Variants in MGAM2 observed in about 807,000 individuals in gnomAD.
MGAM2 encodes the protein maltase-glucoamylase 2 (putative), also known as probable maltase-glucoamylase 2.
In MGAM2, 98 loss-of-function variants were observed where a neutral mutation model predicts 96.1. The observed-to-expected ratio is 1.02, with a 90% confidence interval of 0.87 to 1.21. The LOEUF is 1.21. Among genes scored for constraint, MGAM2 ranks in the 50% most tolerant of loss-of-function variants. The pLI, the probability that MGAM2 is intolerant of heterozygous loss-of-function variation, is 0.00. For missense variants in MGAM2, 2,055 were observed against 1,182.4 expected (o/e 1.74, Z -10.82); for synonymous variants, 749 against 414.8 (o/e 1.81, Z -9.79).
intron 40 of MGAM2, among the ~76,000 whole-genome samples, 192 bp from the exon 41 acceptor site, chr7:142,197,208 A>T (rs1797071302): frequency 1.3e-5 from 2 of 152,190 alleles, no homozygotes; most frequent in African/African-American, 4.8e-5. Context: ...CTTAGGAATC[A>T]GTGATAAAGA....
chr7:142,217,787 G>C (rs1797810733), intron 46 of MGAM2, among the ~76,000 whole-genome samples: 1 of 152,108 alleles, frequency 6.6e-6, no homozygotes. Flanking sequence ...TTTCCAACAC[G>C]AAGAAATGAT....
intron 32 of MGAM2, 101 bp downstream of exon 32, chr7:142,175,881 C>A: frequency 1.7e-6 from 1 of 582,342 alleles, no homozygotes; most frequent in Non-Finnish European, 3.1e-6. Flanking sequence ...CAGAAATGTT[C>A]CTGTACTCTG....
intron 32 of MGAM2, among the ~76,000 whole-genome samples, chr7:142,178,713 T>C (rs1320311517): frequency 6.6e-6 from 1 of 152,034 alleles, no homozygotes; most frequent in Non-Finnish European, 1.5e-5. Context: ...ATATCTGTAG[T>C]TTTGTTCTTC....
chr7:142,150,152 G>C (rs1354694230), intron 15 of MGAM2, among the ~76,000 whole-genome samples: 1 of 151,594 alleles, frequency 6.6e-6, no homozygotes, highest in East Asian at 2.0e-4. Flanking sequence ...TGTTGGTCAG[G>C]CTAGTCTCAA....
At chr7:142,153,722 C>T (rs1357807443) in intron 15 of MGAM2, among the ~76,000 whole-genome samples, 1 of 152,112 alleles carries the variant, frequency 6.6e-6, no homozygotes, top group African/African-American at 2.4e-5. Context: ...ACCAAAAGGA[C>T]CAGACCACAA....
Position 142,140,886 on chromosome 7 carries a change from T to C in MGAM2, c.1171T>C (p.Phe391Leu). The change falls in exon 11 of 48, where the codon TTT becomes CTT. Residue 391 changes from phenylalanine (F) to leucine (L), a missense_variant. Physicochemically the swap from Phe to Leu is conservative, Grantham distance 22. Coordinates refer to ENST00000477922, the MANE Select transcript of MGAM2 (RefSeq NM_001293626.2). Reference protein sequence around the residue: ...DEVAYSGLPDFVKELHDNGQK... With the variant: ...DEVAYSGLPDLVKELHDNGQK... The stretch of plus-strand genomic sequence containing the variant: ...AGTCGCTTACTCTGGTCTCCCAGAT[T>C]TTGTCAAGGAGTTACATGACAATGG... 1.4e-6 allele frequency: 1 copy of C among 702,968 alleles called. No homozygotes were observed. Among genetic ancestry groups the C allele is most frequent in the South Asian group, 1.5e-5 (1 of 67,600 alleles). 43.5% of individuals were successfully genotyped at this position (702,968 alleles called of 1,614,324 possible). A position where few individuals can be genotyped will look rare whatever the true frequency, so the allele number is the denominator to read the frequency against.
intron 1 of MGAM2, among the ~76,000 whole-genome samples, chr7:142,114,208 AAG>A (rs1184258811): frequency 7.5e-6 from 1 of 133,482 alleles, no homozygotes; most frequent in Non-Finnish European, 1.6e-5. Context: ...GAAAGAAAGA[AAG>A]AAAGAGAGAA....
intron 3 of MGAM2, among the ~76,000 whole-genome samples, chr7:142,127,313 C>A (rs1356082784): frequency 6.6e-6 from 1 of 152,116 alleles, no homozygotes; most frequent in Non-Finnish European, 1.5e-5. Flanking sequence ...GTGCTGCTAT[C>A]TGAGTCTGTC....
chr7:142,211,899 C>T (rs1797597200), intron 46 of MGAM2, among the ~76,000 whole-genome samples: 1 of 152,088 alleles, frequency 6.6e-6, no homozygotes, highest in African/African-American at 2.4e-5. Context: ...TCAGATTCAC[C>T]AAGGTTGAAA....
At chr7:142,124,034 G>A (rs552007473) in intron 3 of MGAM2, among the ~76,000 whole-genome samples, 5 of 145,258 alleles carry the variant, frequency 3.4e-5, no homozygotes, top group Admixed American at 6.9e-5. Flanking sequence ...GCGCAGAGGC[G>A]CAATCTTGGC....
chr7:142,183,927 T>G (rs1006939151), intron 33 of MGAM2, among the ~76,000 whole-genome samples: 14 of 146,226 alleles, frequency 9.6e-5, no homozygotes, highest in Non-Finnish European at 2.0e-4. Context: ...TACTTCCTAC[T>G]GCTCTGGATG....
rs369517612 is a variant in MGAM2 at position 142,119,048 on chromosome 7, CAAG to C, written c.107-1251_107-1249del. Among the ~76,000 whole-genome samples the C allele has an allele frequency of 5.0e-3, 767 of 152,190 alleles. 16 individuals carry two copies. Among genetic ancestry groups the C allele is most frequent in the African/African-American group, 0.018 (729 of 41,532 alleles). ...TGAAGCACACTTTGAAGAAAACTAT[CAAG>C]AATGTGAAAAACAATCCACAGATTC... On this transcript the variant is annotated intron_variant, in intron 2 of 47. Transcript: ENST00000477922.
chr7:142,142,512 A>G (rs978626544), intron 12 of MGAM2, among the ~76,000 whole-genome samples: 22 of 144,756 alleles, frequency 1.5e-4, no homozygotes, highest in African/African-American at 4.6e-4. Context: ...GTGGAGGTGC[A>G]TAGTGGTGTG....
intron 7 of MGAM2, among the ~76,000 whole-genome samples, chr7:142,135,374 G>C (rs981108853): frequency 1.3e-5 from 2 of 152,132 alleles, no homozygotes; most frequent in Non-Finnish European, 2.9e-5. Context: ...AAATTGTATA[G>C]TCACAAATTA....
intron 2 of MGAM2, among the ~76,000 whole-genome samples, chr7:142,117,406 T>A (rs1401945668): frequency 6.6e-6 from 1 of 152,196 alleles, no homozygotes; most frequent in Non-Finnish European, 1.5e-5. Context: ...ATAGCTATAG[T>A]TTCTTCATAG....
chr7:142,152,126 C>G (rs1795599556), intron 15 of MGAM2, among the ~76,000 whole-genome samples: 1 of 150,084 alleles, frequency 6.7e-6, no homozygotes, highest in East Asian at 1.9e-4. Flanking sequence ...AACTAAAAGA[C>G]AGAAAATACA....
At chr7:142,167,586 T>C in intron 26 of MGAM2, 100 bp downstream of exon 26, 1 of 652,724 alleles carries the variant, frequency 1.5e-6, no homozygotes, top group Non-Finnish European at 2.8e-6. Flanking sequence ...ATTTTTTTTC[T>C]TTTCAAGACA....
In MGAM2 at chr7:142,147,514, G is replaced by A. The variant is rs1299913710; in HGVS notation, c.1575G>A (p.Gly525=). 4 of 702,874 alleles carry A rather than the reference G, an allele frequency of 5.7e-6. No homozygotes were observed. The highest frequency in any genetic ancestry group is 2.6e-6 in the Non-Finnish European group (1 of 384,940). 43.5% of individuals were successfully genotyped at this position (702,874 alleles called of 1,614,324 possible). A position where few individuals can be genotyped will look rare whatever the true frequency, so the allele number is the denominator to read the frequency against. ...RTLCMDTEFH[G]GLHYDIHSLY... ...TCTGCATGGACACGGAGTTTCATGG[G>A]GGCCTTCATTATGACATCCACAGCT... Residue 525 remains glycine, a synonymous_variant, in exon 15 of 48, where the codon GGG becomes GGA. Coordinates refer to ENST00000477922, the MANE Select transcript of MGAM2 (RefSeq NM_001293626.2).
At chr7:142,116,135 A>G (rs532187490) in intron 1 of MGAM2, among the ~76,000 whole-genome samples, 9 of 152,312 alleles carry the variant, frequency 5.9e-5, no homozygotes, top group African/African-American at 2.2e-4. Context: ...AGATGAAGAA[A>G]TACAGGTCCA....
Sources: allele counts gnomAD v4.1 joint callset (sites outside exome capture counted in the v4.1 genomes callset), GRCh38; gene constraint gnomAD v4.1.1; transcripts MANE v1.5; gene names NCBI Gene and HGNC (gene_info 2026-07-23, HGNC 2026-07-21).